TRIM44: variants seen among roughly 807,000 people sequenced by gnomAD.
TRIM44 encodes the protein tripartite motif containing 44.
Under a neutral mutation model 37.4 loss-of-function variants are expected in TRIM44, and 13 were observed. The observed-to-expected ratio is 0.35, with a 90% CI of 0.23 to 0.55. The LOEUF is 0.55. TRIM44 is among the 20% of genes least tolerant of loss of function. TRIM44 has a pLI of 0.89. For synonymous variants in TRIM44, 175 were observed against 157.2 expected (o/e 1.11, Z -0.85); for missense variants, 426 against 437.2 (o/e 0.97, Z 0.23).
At chr11:35,665,276 A>T (rs537712920) in intron 1 of TRIM44, among the ~76,000 whole-genome samples, 1 of 152,074 alleles carries the variant, frequency 6.6e-6, no homozygotes, top group African/African-American at 2.4e-5. Flanking sequence ...GTCAGAGGCT[A>T]TGCATATCTT....
At chr11:35,671,854 C>CT (rs1851396795) in intron 1 of TRIM44, among the ~76,000 whole-genome samples, 1 of 152,112 alleles carries the variant, frequency 6.6e-6, no homozygotes, top group South Asian at 2.1e-4. Context: ...TTTTGTGGGT[C>CT]GAAGTTTGAA....
At chr11:35,750,830 C>T (rs1195841884) in intron 4 of TRIM44, among the ~76,000 whole-genome samples, 5 of 151,326 alleles carry the variant, frequency 3.3e-5, no homozygotes, top group African/African-American at 7.3e-5. Context: ...TTATTTGTAC[C>T]GCAATTAAAA....
At chr11:35,747,587 C>G (rs61881278) in intron 4 of TRIM44, among the ~76,000 whole-genome samples, 3 of 152,074 alleles carry the variant, frequency 2.0e-5, no homozygotes, top group Admixed American at 6.6e-5. Flanking sequence ...GGATTTGGTA[C>G]TTTTATGAGA....
At chr11:35,707,140 T>A (rs1203136160) in intron 2 of TRIM44, among the ~76,000 whole-genome samples, 1 of 152,092 alleles carries the variant, frequency 6.6e-6, no homozygotes, top group Non-Finnish European at 1.5e-5. Context: ...GAGAGCCAAA[T>A]CATGAGTGAA....
At chr11:35,692,474 T>TA (rs1851648386) in intron 2 of TRIM44, among the ~76,000 whole-genome samples, 2 of 152,176 alleles carry the variant, frequency 1.3e-5, no homozygotes, top group Non-Finnish European at 2.9e-5. Context: ...ATATTTGTGT[T>TA]ATGCTAGTTG....
chr11:35,699,479 A>G (rs569479854), intron 2 of TRIM44, among the ~76,000 whole-genome samples: 18 of 152,250 alleles, frequency 1.2e-4, no homozygotes, highest in African/African-American at 2.6e-4. Context: ...ATCTATGACA[A>G]ACCCACAGCC....
intron 3 of TRIM44, among the ~76,000 whole-genome samples, chr11:35,732,178 C>G (rs1852269674): frequency 6.6e-6 from 1 of 152,106 alleles, no homozygotes; most frequent in South Asian, 2.1e-4. Flanking sequence ...CTTGCATTCA[C>G]TTTTTGTTAT....
chr11:35,762,602 C>T (rs1852743967), intron 4 of TRIM44, among the ~76,000 whole-genome samples: 1 of 152,074 alleles, frequency 6.6e-6, no homozygotes, highest in African/African-American at 2.4e-5. Flanking sequence ...GTAGGAGAGT[C>T]AAGATCATAA....
chr11:35,753,587 G>T (rs1185274304), intron 4 of TRIM44, among the ~76,000 whole-genome samples: 2 of 152,160 alleles, frequency 1.3e-5, no homozygotes, highest in Admixed American at 1.3e-4. Flanking sequence ...TTAATGACAG[G>T]CAAGTATTCT....
At chr11:35,672,414 A>G (rs1208605153) in intron 1 of TRIM44, among the ~76,000 whole-genome samples, 1 of 152,218 alleles carries the variant, frequency 6.6e-6, no homozygotes, top group Admixed American at 6.5e-5. Context: ...GTACCCCAAG[A>G]TCACCTGAAG....
At chr11:35,741,405 A>G (rs1406838959) in intron 4 of TRIM44, among the ~76,000 whole-genome samples, 2 of 152,186 alleles carry the variant, frequency 1.3e-5, no homozygotes, top group East Asian at 3.8e-4. Flanking sequence ...CGTAAGAGTC[A>G]CAACTTTATT....
chr11:35,749,201 A>G (rs1253814642), intron 4 of TRIM44, among the ~76,000 whole-genome samples: 2 of 152,324 alleles, frequency 1.3e-5, no homozygotes, highest in East Asian at 1.9e-4. Flanking sequence ...AAAACATTCA[A>G]AGTCCCAGCC....
chr11:35,715,651 G>T (rs774550622), intron 2 of TRIM44, among the ~76,000 whole-genome samples: 1 of 151,934 alleles, frequency 6.6e-6, no homozygotes, highest in Non-Finnish European at 1.5e-5. Flanking sequence ...TGAGATAGGG[G>T]GTGTATTAGT....
chr11:35,707,474 G>A (rs956175870), intron 2 of TRIM44, among the ~76,000 whole-genome samples: 1 of 151,940 alleles, frequency 6.6e-6, no homozygotes, highest in African/African-American at 2.4e-5. Context: ...TAAGCCAAAA[G>A]GAAAAGCTGG....
intron 4 of TRIM44, among the ~76,000 whole-genome samples, chr11:35,783,926 T>C (rs1270602204): frequency 6.6e-6 from 1 of 152,168 alleles, no homozygotes; most frequent in Admixed American, 6.5e-5. Flanking sequence ...CTGGCCATCT[T>C]ATATACAGCC....
intron 2 of TRIM44, among the ~76,000 whole-genome samples, chr11:35,712,521 TCATTTAAAAACTAA>T (rs1173011459): frequency 2.0e-5 from 3 of 152,146 alleles, no homozygotes; most frequent in South Asian, 2.1e-4. Flanking sequence ...TAGATTATAG[TCATTTAAAAACTAA>T]GGTGGGCATG....
intron 3 of TRIM44, among the ~76,000 whole-genome samples, chr11:35,728,365 T>C (rs1365025553): frequency 6.7e-6 from 1 of 148,376 alleles, no homozygotes; most frequent in African/African-American, 2.6e-5. Context: ...TTCTTCTCTT[T>C]TATTTTAATC....
chr11:35,768,337 A>G (rs973149470), intron 4 of TRIM44, among the ~76,000 whole-genome samples: 2 of 152,214 alleles, frequency 1.3e-5, no homozygotes, highest in African/African-American at 2.4e-5. Context: ...CACTTTGAAA[A>G]TAAGTAAAAG....
At position 35,808,304 on chromosome 11, in the gene TRIM44, A is replaced by C. The variant is rs946742126; in HGVS notation, c.*1919A>C. On this transcript the variant is annotated 3_prime_UTR_variant, in exon 5 of 5. Transcript: ENST00000299413. ...TTACCTATCTCTGCAAAGACTGGAG[A>C]ATTTGGCATACCATTAATTACAACC... 9.9e-5 allele frequency: 15 copies of C among 151,976 alleles called. No homozygotes were observed. The highest frequency in any genetic ancestry group is 3.4e-4 in the African/African-American group (14 of 41,466). The allele number at this position is 151,976 out of a possible 1,614,324, so 9.4% of individuals were successfully genotyped here. A position where few individuals can be genotyped will look rare whatever the true frequency, so the allele number is the denominator to read the frequency against.
Sources: allele counts gnomAD v4.1 joint callset (sites outside exome capture counted in the v4.1 genomes callset), GRCh38; gene constraint gnomAD v4.1.1; transcripts MANE v1.5; gene names NCBI Gene and HGNC (gene_info 2026-07-23, HGNC 2026-07-21).